The following RALYL variants were observed in gnomAD, a reference collection of about 807,000 sequenced individuals.
RALYL encodes the protein RNA-binding Raly-like protein.
RALYL carries 29 observed loss-of-function variants against 35.1 expected under a neutral mutation model. That is an observed-to-expected ratio of 0.83 (90% confidence interval 0.61 to 1.13). RALYL has a LOEUF of 1.13. Ranked by LOEUF, RALYL falls within the 50% of genes most tolerant of loss-of-function variation. The probability of loss-of-function intolerance (pLI) is 0.00; values close to 1 mark genes in which losing one functional copy is unlikely to be tolerated. For synonymous variants in RALYL, 120 were observed against 127.6 expected, an observed-to-expected ratio of 0.94 and a Z score of 0.40; for missense variants, 359 against 360.4, an observed-to-expected ratio of 1.00 and a Z score of 0.03.
intron 8 of RALYL, among the ~76,000 whole-genome samples, chr8:84,892,965 G>A (rs1231558169): frequency 6.6e-6 from 1 of 152,144 alleles, no homozygotes; most frequent in Admixed American, 6.5e-5. Flanking sequence ...CCACTAGCAA[G>A]TATTCACTGA....
At chr8:84,629,822 G>A (rs980310880) in intron 2 of RALYL, among the ~76,000 whole-genome samples, 3 of 151,992 alleles carry the variant, frequency 2.0e-5, no homozygotes, top group African/African-American at 7.2e-5. Flanking sequence ...TTCCTACAAT[G>A]AGTATGCATT....
chr8:84,662,075 A>G (rs2131668137), intron 2 of RALYL, among the ~76,000 whole-genome samples: 1 of 152,280 alleles, frequency 6.6e-6, no homozygotes, highest in South Asian at 2.1e-4. Flanking sequence ...AAAAGTTTGA[A>G]AGCTATTCAA....
intron 2 of RALYL, among the ~76,000 whole-genome samples, chr8:84,695,729 G>A (rs114955145): frequency 0.014 from 2,178 of 151,778 alleles, 62 homozygotes; most frequent in African/African-American, 0.049. Flanking sequence ...TGTTTGCACC[G>A]TGATTACAAA....
chr8:84,486,994 G>T (rs1158709479), intron 1 of RALYL, among the ~76,000 whole-genome samples: 2 of 151,954 alleles, frequency 1.3e-5, no homozygotes, highest in African/African-American at 2.4e-5. Context: ...TTTAAATTCA[G>T]GCATAGTTAG....
chr8:84,517,201 G>T (rs527738907), intron 1 of RALYL, among the ~76,000 whole-genome samples: 1 of 152,154 alleles, frequency 6.6e-6, no homozygotes, highest in Non-Finnish European at 1.5e-5. Flanking sequence ...CACAGGATTT[G>T]CTTGCAAAAT....
chr8:84,390,017 C>T (rs916714197), intron 1 of RALYL, among the ~76,000 whole-genome samples: 9 of 152,022 alleles, frequency 5.9e-5, no homozygotes, highest in African/African-American at 1.4e-4. Flanking sequence ...AGATACGTCC[C>T]ATCAATACCT....
chr8:84,235,720 T>G (rs946156187), intron 1 of RALYL, among the ~76,000 whole-genome samples: 1 of 152,042 alleles, frequency 6.6e-6, no homozygotes, highest in Non-Finnish European at 1.5e-5. Context: ...TACATTGATA[T>G]GAGTTGCTAA....
intron 2 of RALYL, among the ~76,000 whole-genome samples, chr8:84,616,759 G>A (rs1300719420): frequency 2.0e-5 from 3 of 151,434 alleles, no homozygotes; most frequent in Non-Finnish European, 2.9e-5. Context: ...ATCTTGAATT[G>A]ATTTTTGTAT....
chr8:84,874,881 C>T (rs1028224102), intron 7 of RALYL, among the ~76,000 whole-genome samples: 1 of 152,130 alleles, frequency 6.6e-6, no homozygotes, highest in Non-Finnish European at 1.5e-5. Context: ...AGTAGCAACA[C>T]ACCCATGTAC....
chr8:84,621,774 G>T (rs932500638), intron 2 of RALYL, among the ~76,000 whole-genome samples: 10 of 152,192 alleles, frequency 6.6e-5, no homozygotes, highest in African/African-American at 2.4e-4. Flanking sequence ...TAGATTGTAA[G>T]AGATGAGTTC....
intron 2 of RALYL, among the ~76,000 whole-genome samples, chr8:84,700,017 G>A (rs1447619569): frequency 2.0e-5 from 3 of 151,956 alleles, no homozygotes; most frequent in Admixed American, 6.6e-5. Context: ...CCCATCCAAA[G>A]GATATGATAA....
Position 84,221,286 on chromosome 8 carries a change from G to A in RALYL, c.-24+36862G>A, listed in dbSNP as rs1056549051. ...TAATCTTATAAGAAAATGGAAAGCG[G>A]GTGTGTGTGTGTGTGTGCATGTGCG... On this transcript the variant is annotated intron_variant, in intron 1 of 8. Coordinates refer to ENST00000521268, the MANE Select transcript of RALYL (RefSeq NM_173848.7). Among the ~76,000 whole-genome samples the A allele has an allele frequency of 4.0e-5, 6 of 150,682 alleles. No individual in the cohort carries two copies. In the East Asian group the frequency reaches 1.2e-3, roughly 30 times the overall value.
chr8:84,438,759 A>G (rs2048010295), intron 1 of RALYL, among the ~76,000 whole-genome samples: 2 of 152,066 alleles, frequency 1.3e-5, no homozygotes, highest in South Asian at 4.1e-4. Flanking sequence ...TAATTTTTGT[A>G]TATGCTAAAA....
At chr8:84,229,555 C>A (rs1185759568) in intron 1 of RALYL, among the ~76,000 whole-genome samples, 1 of 152,152 alleles carries the variant, frequency 6.6e-6, no homozygotes, top group Non-Finnish European at 1.5e-5. Flanking sequence ...AAACAGTCGA[C>A]ATTAACTTCC....
intron 2 of RALYL, among the ~76,000 whole-genome samples, chr8:84,622,705 C>G (rs1821815299): frequency 6.6e-6 from 1 of 152,048 alleles, no homozygotes; most frequent in Non-Finnish European, 1.5e-5. Flanking sequence ...CTGCTGGCAT[C>G]AATGAGGTAA....
intron 1 of RALYL, among the ~76,000 whole-genome samples, chr8:84,226,955 G>C (rs905417931): frequency 4.6e-5 from 7 of 151,618 alleles, no homozygotes; most frequent in African/African-American, 1.7e-4. Flanking sequence ...AGAGTACCTT[G>C]CATGATAGGT....
intron 1 of RALYL, among the ~76,000 whole-genome samples, chr8:84,210,228 G>GTA (rs936191852): frequency 1.6e-4 from 25 of 151,716 alleles, no homozygotes; most frequent in African/African-American, 3.1e-4. Flanking sequence ...GTGTGTATGT[G>GTA]TATATATATA....
At chr8:84,344,831 A>C (rs1039244254) in intron 1 of RALYL, among the ~76,000 whole-genome samples, 10 of 151,988 alleles carry the variant, frequency 6.6e-5, no homozygotes, top group Non-Finnish European at 8.8e-5. Context: ...CACTCAACAT[A>C]ATGTCTTCCA....
intron 1 of RALYL, among the ~76,000 whole-genome samples, chr8:84,262,303 C>T (rs558038273): frequency 6.6e-6 from 1 of 152,118 alleles, no homozygotes; most frequent in East Asian, 1.9e-4. Context: ...AGTGTTTGTT[C>T]TGATTCACAA....
Sources: gnomAD v4.1 joint callset for allele counts (sites outside exome capture counted in the v4.1 genomes callset) on GRCh38, gnomAD v4.1.1 for gene constraint, MANE v1.5 for transcripts, NCBI Gene and HGNC (gene_info 2026-07-23, HGNC 2026-07-21) for gene names.